ATP1B3: variants seen among roughly 807,000 people sequenced by gnomAD.
The protein encoded by ATP1B3 is ATPase Na+/K+ transporting subunit beta 3, also known as sodium/potassium-transporting ATPase subunit beta-3.
Under a neutral mutation model 30.2 loss-of-function variants are expected in ATP1B3, and 10 were observed. The observed-to-expected ratio is 0.33, with a 90% CI of 0.20 to 0.56. The LOEUF is 0.56. ATP1B3 is among the 20% of genes least tolerant of loss of function. The probability of loss-of-function intolerance (pLI) is 0.90; values close to 1 mark genes in which losing one functional copy is unlikely to be tolerated. For synonymous variants in ATP1B3, 113 were observed against 117.0 expected, an observed-to-expected ratio of 0.97 and a Z score of 0.22; for missense variants, 238 against 336.7, an observed-to-expected ratio of 0.71 and a Z score of 2.29.
At chr3:141,894,424 A>G (rs747861048) in intron 1 of ATP1B3, among the ~76,000 whole-genome samples, 8 of 151,942 alleles carry the variant, frequency 5.3e-5, no homozygotes, top group Non-Finnish European at 8.8e-5. Flanking sequence ...TCCCAAAGCT[A>G]TGGGATTGCA....
At chr3:141,889,115 A>G (rs1430437668) in intron 1 of ATP1B3, among the ~76,000 whole-genome samples, 4 of 152,060 alleles carry the variant, frequency 2.6e-5, no homozygotes, top group East Asian at 1.9e-4. Flanking sequence ...CCTTCAAACA[A>G]CCAGACTCAT....
intron 1 of ATP1B3, among the ~76,000 whole-genome samples, chr3:141,886,670 A>G (rs1933840280): frequency 6.6e-6 from 1 of 152,136 alleles, no homozygotes; most frequent in Admixed American, 6.6e-5. Flanking sequence ...AGCTTAGATA[A>G]CTCAAGATCT....
intron 1 of ATP1B3, among the ~76,000 whole-genome samples, chr3:141,892,644 A>T: frequency 9.1e-6 from 1 of 110,062 alleles, no homozygotes; most frequent in Non-Finnish European, 1.8e-5. Context: ...TGACAGTGAG[A>T]CTGTCTCAAA....
chr3:141,914,891 G>A (rs2107777258), intron 4 of ATP1B3, among the ~76,000 whole-genome samples: 1 of 152,306 alleles, frequency 6.6e-6, no homozygotes, highest in South Asian at 2.1e-4. Context: ...TTGTCCCATA[G>A]CATTCTAGGT....
intron 3 of ATP1B3, among the ~76,000 whole-genome samples, chr3:141,911,216 T>G (rs1281621160): frequency 6.6e-6 from 1 of 152,136 alleles, no homozygotes; most frequent in Non-Finnish European, 1.5e-5. Flanking sequence ...TGTTGGGTCT[T>G]AGACCTCTTG....
At chr3:141,907,622 CAA>C (rs1330859167) in intron 3 of ATP1B3, among the ~76,000 whole-genome samples, 1 of 149,578 alleles carries the variant, frequency 6.7e-6, no homozygotes, top group South Asian at 2.1e-4. Flanking sequence ...GCCTTGGCAA[CAA>C]GAGCGAAACT....
intron 1 of ATP1B3, among the ~76,000 whole-genome samples, chr3:141,886,832 T>C (rs1034820951): frequency 3.3e-5 from 5 of 152,142 alleles, no homozygotes; most frequent in Non-Finnish European, 7.3e-5. Context: ...ACCCCATCTC[T>C]ACAAAAAATA....
intron 3 of ATP1B3, among the ~76,000 whole-genome samples, chr3:141,908,231 C>G (rs530568326): frequency 6.6e-6 from 1 of 151,840 alleles, no homozygotes; most frequent in Admixed American, 6.6e-5. Flanking sequence ...TCAAAGTTAC[C>G]AGTTTGTAAC....
chr3:141,901,148 G>A (rs971058320), intron 1 of ATP1B3, among the ~76,000 whole-genome samples: 4 of 152,148 alleles, frequency 2.6e-5, no homozygotes, highest in Non-Finnish European at 5.9e-5. Context: ...GCTAGGGAAC[G>A]TTAGTAATAT....
chr3:141,925,661 T>A lies in ATP1B3; in HGVS notation c.800T>A (p.Phe267Tyr). Residue 267 changes from phenylalanine to tyrosine, a missense_variant, in exon 7 of 7, where the codon TTT becomes TAT. Phe to Tyr is a conservative substitution (Grantham distance 22). Transcript: ENST00000286371. ...NLKSQDDRDK[F>Y]LGRVMFKITA... The stretch of plus-strand genomic sequence containing the variant: ...AAAAGTCAGGATGATCGTGACAAGT[T>A]TTTGGGACGAGTTATGTTCAAAATC... The A allele has an allele frequency of 6.2e-7, 1 of 1,612,600 alleles. No homozygotes were observed.
intron 3 of ATP1B3, among the ~76,000 whole-genome samples, chr3:141,910,671 C>T (rs1048958156): frequency 2.6e-5 from 4 of 152,068 alleles, no homozygotes; most frequent in African/African-American, 9.7e-5. Flanking sequence ...CCTCCTGCTG[C>T]ACTCTACTGT....
chr3:141,917,688 A>G (rs9810697), intron 5 of ATP1B3, among the ~76,000 whole-genome samples: 132,878 of 151,934 alleles, frequency 0.87, 58,377 homozygotes, highest in African/African-American at 0.96. Context: ...GTGAGACTCC[A>G]TCACACACAC....
At chr3:141,883,307 G>A (rs1933767424) in intron 1 of ATP1B3, among the ~76,000 whole-genome samples, 1 of 152,172 alleles carries the variant, frequency 6.6e-6, no homozygotes, top group South Asian at 2.1e-4. Flanking sequence ...GGGCAACATG[G>A]TGAAACCCTG....
At chr3:141,893,418 G>C (rs1395080747) in intron 1 of ATP1B3, among the ~76,000 whole-genome samples, 2 of 152,022 alleles carry the variant, frequency 1.3e-5, no homozygotes, top group Non-Finnish European at 2.9e-5. Flanking sequence ...ATTTCTTTGA[G>C]AGTTCTTGCC....
intron 5 of ATP1B3, chr3:141,916,362 C>T (rs72988233): frequency 0.066 from 30,994 of 470,604 alleles, 1,229 homozygotes; most frequent in Middle Eastern, 0.13. Flanking sequence ...TGACATTTTT[C>T]TCTTTCTTAA....
intron 1 of ATP1B3, among the ~76,000 whole-genome samples, chr3:141,884,083 A>G (rs183746437): frequency 6.6e-6 from 1 of 152,232 alleles, no homozygotes; most frequent in East Asian, 1.9e-4. Flanking sequence ...CTGCTCTCAA[A>G]TTTAATGGGA....
At chr3:141,882,776 GT>G (rs1337792214) in intron 1 of ATP1B3, among the ~76,000 whole-genome samples, 1 of 152,066 alleles carries the variant, frequency 6.6e-6, no homozygotes, top group Non-Finnish European at 1.5e-5. Flanking sequence ...CTGAGATAGG[GT>G]TTTTTTCCAT....
chr3:141,882,703 C>A (rs1179011477), intron 1 of ATP1B3, among the ~76,000 whole-genome samples: 1 of 152,192 alleles, frequency 6.6e-6, no homozygotes, highest in Non-Finnish European at 1.5e-5. Context: ...CCTGCCTCAG[C>A]CTCCCAAGTA....
At chr3:141,894,618 A>G (rs1934025066) in intron 1 of ATP1B3, among the ~76,000 whole-genome samples, 2 of 151,294 alleles carry the variant, frequency 1.3e-5, no homozygotes, top group Admixed American at 1.3e-4. Flanking sequence ...AAACATGCAC[A>G]TTAGCCTAGA....
Sources: gnomAD v4.1 joint callset for allele counts (sites outside exome capture counted in the v4.1 genomes callset) on GRCh38, gnomAD v4.1.1 for gene constraint, MANE v1.5 for transcripts, NCBI Gene and HGNC (gene_info 2026-07-23, HGNC 2026-07-21) for gene names.